ADAMTS17: variants seen among roughly 807,000 people sequenced by gnomAD.
ADAMTS17 encodes the protein A disintegrin and metalloproteinase with thrombospondin motifs 17.
A neutral mutation model predicts 141.5 loss-of-function variants in ADAMTS17; 113 were observed. That is an observed-to-expected ratio of 0.80 (90% CI 0.69 to 0.93). The LOEUF is 0.93. ADAMTS17 is among the 40% of genes least tolerant of loss of function. The pLI is 0.00. For synonymous variants in ADAMTS17, 768 were observed against 630.6 expected, an observed-to-expected ratio of 1.22 and a Z score of -3.27; for missense variants, 1,659 against 1,517.9, an observed-to-expected ratio of 1.09 and a Z score of -1.54.
In ADAMTS17 at chr15:100,323,626, A is replaced by G. The variant is rs576285592; in HGVS notation, c.616+7263T>C. ...CCTAGAGAACATTTAAAAAAGGAATAAAGGAAAAAAAATAAAGATACAAAT... is the reference window on the plus strand; with the variant it reads ...CCTAGAGAACATTTAAAAAAGGAATGAAGGAAAAAAAATAAAGATACAAAT... On this transcript the variant is annotated intron_variant, in intron 3 of 21. Transcript: ENST00000268070. Among the ~76,000 whole-genome samples, 3 of 152,270 alleles carry G rather than the reference A, an allele frequency of 2.0e-5. No homozygotes were observed. In the East Asian group the frequency reaches 5.8e-4, roughly 29 times the overall value.
At chr15:100,193,032 C>T (rs951212803) in intron 8 of ADAMTS17, among the ~76,000 whole-genome samples, 7 of 152,232 alleles carry the variant, frequency 4.6e-5, no homozygotes, top group Non-Finnish European at 1.0e-4. Context: ...CACCTTGGCA[C>T]AGCATCACAT....
chr15:100,261,627 A>G lies in ADAMTS17; in HGVS notation c.883T>C (p.Ser295Pro). The change falls in exon 6 of 22, where the codon TCC becomes CCC. Residue 295 changes from serine (S) to proline (P), a missense_variant. Transcript: ENST00000268070. The stretch of plus-strand genomic sequence containing the variant: ...GACCGCTCACCATGGTGCCCAATGG[A>G]CAACTTAGCCTAAAAAAAGTCAGAG... ...VLLRQRPAKLSIGHHGERSLE... is the reference protein window; with the variant it reads ...VLLRQRPAKLPIGHHGERSLE... The G allele has an allele frequency of 6.2e-7, 1 of 1,613,818 alleles. No homozygotes were observed. The highest frequency in any genetic ancestry group is 8.5e-7 in the Non-Finnish European group (1 of 1,179,870).
intron 14 of ADAMTS17, among the ~76,000 whole-genome samples, chr15:100,097,751 C>G (rs1049276894): frequency 8.5e-5 from 13 of 152,260 alleles, no homozygotes; most frequent in African/African-American, 3.1e-4. Flanking sequence ...AATCGGCTCC[C>G]AGGAGATGCT....
intron 10 of ADAMTS17, among the ~76,000 whole-genome samples, chr15:100,148,121 C>T (rs1033635636): frequency 1.3e-5 from 2 of 152,246 alleles, no homozygotes; most frequent in Non-Finnish European, 2.9e-5. Context: ...CCAAGAAAAT[C>T]TCCCCATCTC....
chr15:100,254,825 C>A (rs1321686887), intron 6 of ADAMTS17, among the ~76,000 whole-genome samples: 2 of 152,174 alleles, frequency 1.3e-5, no homozygotes, highest in Non-Finnish European at 2.9e-5. Flanking sequence ...TGGGGAACAA[C>A]ACACACCAGG....
At chr15:100,125,880 T>C (rs1359178151) in intron 12 of ADAMTS17, among the ~76,000 whole-genome samples, 4 of 151,338 alleles carry the variant, frequency 2.6e-5, no homozygotes, top group Non-Finnish European at 4.4e-5. Context: ...TTTTGGACAG[T>C]GAATAAACCA....
intron 3 of ADAMTS17, among the ~76,000 whole-genome samples, chr15:100,293,446 C>A (rs1229205399): frequency 1.3e-5 from 2 of 151,988 alleles, no homozygotes; most frequent in African/African-American, 4.8e-5. Context: ...GGAGATAATG[C>A]TTTTTTTTCT....
chr15:100,223,344 GT>G (rs2042193717), intron 7 of ADAMTS17, among the ~76,000 whole-genome samples: 2 of 152,018 alleles, frequency 1.3e-5, no homozygotes, highest in African/African-American at 4.8e-5. Context: ...TTTTTTTTCA[GT>G]ATTAGAAGAC....
intron 15 of ADAMTS17, chr15:100,063,468 C>T: frequency 2.8e-6 from 1 of 362,870 alleles, no homozygotes; most frequent in Non-Finnish European, 5.5e-6. Flanking sequence ...CATTTTCCTT[C>T]CTGTTCCCGC....
rs757232691 is a variant in ADAMTS17 at position 100,330,926 on chromosome 15, C to T, written c.579G>A (p.Glu193=). ...TGCAGAGCTGCTCAGGTCTCTGGGC[C>T]TCAGCAGAAGGGCTGGGGGTCAAGG... The part of the protein sequence containing the change: ...KWSLTPSPSA[E]AQRPEQLCKV... The change falls in exon 3 of 22, where the codon GAG becomes GAA. Residue 193 remains glutamate (E), a synonymous_variant. Transcript: ENST00000268070. 4 of 1,613,980 alleles carry T rather than the reference C, an allele frequency of 2.5e-6. No homozygotes were observed. The East Asian group carries it at 6.7e-5, about 27-fold the overall frequency.
At chr15:100,190,349 A>G (rs775210365) in intron 8 of ADAMTS17, among the ~76,000 whole-genome samples, 7 of 152,130 alleles carry the variant, frequency 4.6e-5, no homozygotes, top group African/African-American at 7.2e-5. Flanking sequence ...ATTTGGCAAA[A>G]CTACCACCTT....
chr15:100,237,709 C>T (rs909927539), intron 7 of ADAMTS17, among the ~76,000 whole-genome samples: 15 of 152,150 alleles, frequency 9.9e-5, no homozygotes, highest in South Asian at 4.1e-4. Context: ...GTGCAACCTC[C>T]GCCTCCCAGG....
At chr15:100,313,628 C>G (rs939475826) in intron 3 of ADAMTS17, among the ~76,000 whole-genome samples, 1 of 152,214 alleles carries the variant, frequency 6.6e-6, no homozygotes, top group Admixed American at 6.5e-5. Context: ...AGTTGACATC[C>G]CCAATAATGG....
At chr15:100,206,641 G>A (rs547327725) in intron 7 of ADAMTS17, among the ~76,000 whole-genome samples, 11 of 152,184 alleles carry the variant, frequency 7.2e-5, no homozygotes, top group Non-Finnish European at 1.3e-4. Context: ...TTTTAGGTGG[G>A]GGTGAGGCTG....
chr15:100,162,317 T>G (rs1385758122), intron 8 of ADAMTS17, among the ~76,000 whole-genome samples: 1 of 150,480 alleles, frequency 6.6e-6, no homozygotes, highest in South Asian at 2.1e-4. Context: ...TATACGTACA[T>G]GTAAGTGTAG....
In ADAMTS17 at chr15:100,194,292, C is replaced by T. The variant is rs376675547; in HGVS notation, c.1181+5026G>A. Among the ~76,000 whole-genome samples the T allele has an allele frequency of 3.3e-5, 5 of 152,294 alleles. No homozygotes were observed. In the East Asian group the frequency reaches 9.7e-4, roughly 29 times the overall value. ...ACTAGTGGACACTTGGTTCTGTGCC[C>T]TCCTGCCAGCAGCTGCACTAGGACC... On this transcript the variant is annotated intron_variant, in intron 8 of 21. Transcript: ENST00000268070.
chr15:100,030,702 G>A lies in ADAMTS17; in HGVS notation c.2591+18155C>T, dbSNP rs149448664. ...GAAATGAACCACTCAAGACTTTTCT[G>A]CTGTTGCAATTTACTCTGAAATACG... On this transcript the variant is annotated intron_variant, in intron 18 of 21. Transcript: ENST00000268070. Among the ~76,000 whole-genome samples, 3 of 152,290 alleles carry A rather than the reference G, an allele frequency of 2.0e-5. No homozygotes were observed. The East Asian group carries it at 5.8e-4, about 29-fold the overall frequency.
intron 7 of ADAMTS17, among the ~76,000 whole-genome samples, chr15:100,220,461 T>C (rs1167306376): frequency 6.6e-6 from 1 of 152,220 alleles, no homozygotes; most frequent in African/African-American, 2.4e-5. Flanking sequence ...TCCACTTAGA[T>C]GTAACAACTG....
At chr15:100,147,195 C>T (rs887757921) in intron 10 of ADAMTS17, among the ~76,000 whole-genome samples, 14 of 152,052 alleles carry the variant, frequency 9.2e-5, no homozygotes, top group African/African-American at 2.9e-4. Flanking sequence ...CTCCCCTGGA[C>T]GCCCAGCTTT....
Sources: allele counts gnomAD v4.1 joint callset (sites outside exome capture counted in the v4.1 genomes callset), GRCh38; gene constraint gnomAD v4.1.1; transcripts MANE v1.5; gene names NCBI Gene and HGNC (gene_info 2026-07-23, HGNC 2026-07-21).